NEURL1B: variants seen among roughly 807,000 people sequenced by gnomAD.
NEURL1B encodes the protein neuralized E3 ubiquitin protein ligase 1B, also known as E3 ubiquitin-protein ligase NEURL1B.
NEURL1B carries 13 observed loss-of-function variants against 37.4 expected under a neutral mutation model. The observed-to-expected ratio is 0.35, with a 90% CI of 0.23 to 0.55. The LOEUF is 0.55. Ranked by LOEUF, NEURL1B falls within the 20% of genes least tolerant of loss-of-function variation. The pLI, the probability that NEURL1B is intolerant of heterozygous loss-of-function variation, is 0.89. For missense variants in NEURL1B, 790 were observed against 879.2 expected (o/e 0.90, Z 1.28); for synonymous variants, 432 against 426.6 (o/e 1.01, Z -0.16).
Position 172,683,884 on chromosome 5 carries a change from G to A in NEURL1B, c.1043G>A (p.Gly348Asp). ...LAFGITSCDP[G>D]VLRPNELPAD... ...TTCGGCATCACGTCGTGCGACCCGGGCGTGCTACGGCCCAACGAGCTGCCC... is the reference window on the plus strand; with the variant it reads ...TTCGGCATCACGTCGTGCGACCCGGACGTGCTACGGCCCAACGAGCTGCCC... The change falls in exon 3 of 5, where the codon GGC (glycine) becomes GAC (aspartate). Residue 348 changes from glycine (G) to aspartate (D), a missense_variant. Physicochemically the swap from Gly to Asp is moderately conservative, Grantham distance 94 (BLOSUM62 -1). Coordinates refer to ENST00000369800, the MANE Select transcript of NEURL1B (RefSeq NM_001142651.3). The surrounding 1 kb of genome is among the most constrained non-coding windows in gnomAD (Gnocchi z 5.6). 7.1e-7 allele frequency: 1 copy of A among 1,410,030 alleles called. No homozygotes were observed. The highest frequency in any genetic ancestry group is 1.4e-5 in the South Asian group (1 of 73,124). The allele number at this position is 1,410,030 out of a possible 1,614,324, so 87.3% of individuals were successfully genotyped here.
Position 172,690,603 on chromosome 5 carries a change from G to C in NEURL1B, c.*3678G>C, listed in dbSNP as rs1758629158. 1 of 152,320 alleles carries C rather than the reference G, an allele frequency of 6.6e-6. No homozygotes were observed. The highest frequency in any genetic ancestry group is 1.5e-5 in the Non-Finnish European group (1 of 68,110). The allele number at this position is 152,320 out of a possible 1,614,324, so 9.4% of individuals were successfully genotyped here. A position where few individuals can be genotyped will look rare whatever the true frequency, so the allele number is the denominator to read the frequency against. On this transcript the variant is annotated 3_prime_UTR_variant, in exon 5 of 5. Transcript: ENST00000369800. The stretch of plus-strand genomic sequence containing the variant: ...GTGATGCTGGCAGAGGTGACACTAA[G>C]AGGGAAATGAGATATTTGGGGCAGA...
chr5:172,686,089 G>A lies in NEURL1B; in HGVS notation c.1298-82G>A, dbSNP rs1758489184. 3 of 1,496,412 alleles carry A rather than the reference G, an allele frequency of 2.0e-6. No individual in the cohort carries two copies. The highest frequency in any genetic ancestry group is 2.6e-5 in the South Asian group (2 of 77,464). 92.7% of individuals were successfully genotyped at this position (1,496,412 alleles called of 1,614,324 possible). On this transcript the variant is annotated intron_variant, in intron 3 of 4. Transcript: ENST00000369800. The surrounding 1 kb of genome is among the most constrained non-coding windows in gnomAD (Gnocchi z 7.9). ...TCCTCTCGTTAGACGGGAAAGCTAA[G>A]GTGCAAAGCAGTGAAGAACCATGGA...
At chr5:172,677,668 C>T (rs1247719627) in intron 2 of NEURL1B, among the ~76,000 whole-genome samples, 3 of 152,192 alleles carry the variant, frequency 2.0e-5, no homozygotes, top group African/African-American at 7.2e-5. Context: ...CCCACCCCCT[C>T]GGCCTTCCCC....
chr5:172,679,637 G>A (rs982482684), intron 2 of NEURL1B, among the ~76,000 whole-genome samples: 1 of 152,220 alleles, frequency 6.6e-6, no homozygotes, highest in South Asian at 2.1e-4. Flanking sequence ...GAATAAGTGA[G>A]GCCATGCAAC....
intron 1 of NEURL1B, chr5:172,656,754 A>G: frequency 1.2e-6 from 1 of 803,390 alleles, no homozygotes; most frequent in East Asian, 2.6e-5. Flanking sequence ...GTTTAAAAGT[A>G]GAAGGCAAAG....
chr5:172,676,721 C>G lies in NEURL1B; in HGVS notation c.577+6391C>G, dbSNP rs78636903. 7.2e-3 allele frequency among the ~76,000 whole-genome samples: 1,095 copies of G among 152,338 alleles called. 1 individual carries two copies. The highest frequency in any genetic ancestry group is 0.012 in the Non-Finnish European group (847 of 68,028). Reference sequence around the variant, plus strand: ...TGAGATCCCTTGTTAAAGATAGTTACTAGGCACTTACTCTGTGCCAGGCAC... The same window carrying G: ...TGAGATCCCTTGTTAAAGATAGTTAGTAGGCACTTACTCTGTGCCAGGCAC... On this transcript the variant is annotated intron_variant, in intron 2 of 4. Transcript: ENST00000369800. This position sits in a 1 kb window ranked among gnomAD's most constrained non-coding sequence, Gnocchi z 4.5.
intron 2 of NEURL1B, among the ~76,000 whole-genome samples, chr5:172,674,805 G>A (rs962783948): frequency 2.0e-5 from 3 of 151,978 alleles, no homozygotes; most frequent in African/African-American, 7.3e-5. Context: ...TGACTTTTTC[G>A]CTTCATCCCC....
chr5:172,669,705 A>G, intron 1 of NEURL1B, 80 bp from the exon 2 acceptor site: 2 of 1,024,956 alleles, frequency 2.0e-6, no homozygotes, highest in Non-Finnish European at 2.5e-6. Flanking sequence ...TTCAAATGAA[A>G]ATGATTGTTA....
At position 172,683,905 on chromosome 5, in the gene NEURL1B, T is replaced by C; in HGVS notation, c.1064T>C (p.Leu355Pro). The C allele has an allele frequency of 7.1e-7, 1 of 1,414,906 alleles. No individual in the cohort carries two copies. The highest frequency in any genetic ancestry group is 9.3e-7 in the Non-Finnish European group (1 of 1,079,564). The allele number at this position is 1,414,906 out of a possible 1,614,324, so 87.6% of individuals were successfully genotyped here. A position where few individuals can be genotyped will look rare whatever the true frequency, so the allele number is the denominator to read the frequency against. Reference protein sequence around the residue: ...CDPGVLRPNELPADPDALLDR... With the variant: ...CDPGVLRPNEPPADPDALLDR... ...CCGGGCGTGCTACGGCCCAACGAGC[T>C]GCCCGCCGACCCAGACGCGCTGCTC... Residue 355 changes from leucine to proline, a missense_variant, in exon 3 of 5, where the codon CTG (leucine) becomes CCG (proline). Leu to Pro is a moderately conservative substitution (Grantham distance 98). Around this residue, in one of 3 missense-constraint regions of NEURL1B, gnomAD observed 460 missense variants for 407.4 expected, o/e 1.13. Coordinates refer to ENST00000369800, the MANE Select transcript of NEURL1B (RefSeq NM_001142651.3). This position sits in a 1 kb window ranked among gnomAD's most constrained non-coding sequence, Gnocchi z 5.6.
Position 172,657,847 on chromosome 5 carries a change from C to T in NEURL1B, c.32-11938C>T, listed in dbSNP as rs1313611660. ...TGCTTCAATGGGCACACTCCTCGTC[C>T]ACTTTCATGTTCCTCCCATACTCCT... On this transcript the variant is annotated intron_variant, in intron 1 of 4. Transcript: ENST00000369800. The surrounding 1 kb of genome is among the most constrained non-coding windows in gnomAD (Gnocchi z 4.0). 6.6e-6 allele frequency among the ~76,000 whole-genome samples: 1 copy of T among 152,226 alleles called. No individual in the cohort carries two copies. The highest frequency in any genetic ancestry group is 1.9e-4 in the East Asian group (1 of 5,200).
rs952579948 is a variant in NEURL1B, at chr5:172,684,281, GC to G, written c.1297+146del. ...CAGCCCGCGGTTCCCAACTTTAAGC[GC>G]CCGGGCACGATCCACCCCGTCCAAA... On this transcript the variant is annotated intron_variant, in intron 3 of 4. Transcript: ENST00000369800. The G allele has an allele frequency of 2.9e-4, 205 of 699,972 alleles. No homozygotes were observed. In the African/African-American group the frequency reaches 3.6e-3, roughly 12 times the overall value. The allele number at this position is 699,972 out of a possible 1,614,324, so 43.4% of individuals were successfully genotyped here. A position where few individuals can be genotyped will look rare whatever the true frequency, so the allele number is the denominator to read the frequency against.
At chr5:172,659,543 C>T (rs1037751052) in intron 1 of NEURL1B, among the ~76,000 whole-genome samples, 1 of 152,180 alleles carries the variant, frequency 6.6e-6, no homozygotes, top group African/African-American at 2.4e-5. Context: ...ACTCCTGCCA[C>T]GCTGGGTCAC....
Position 172,669,773 on chromosome 5 carries a change from G to A in NEURL1B, c.32-12G>A, listed in dbSNP as rs1385860405. On this transcript the variant is annotated splice_polypyrimidine_tract_variant and intron_variant, in intron 1 of 4. Coordinates refer to ENST00000369800, the MANE Select transcript of NEURL1B (RefSeq NM_001142651.3). Reference sequence around the variant, plus strand: ...GAGGAGGCCTAACCGTGCTGCCTGTGTCTTTCCGCAGACCCGAGCCCACCG... The same window carrying A: ...GAGGAGGCCTAACCGTGCTGCCTGTATCTTTCCGCAGACCCGAGCCCACCG... The A allele has an allele frequency of 2.4e-6, 3 of 1,254,180 alleles. No homozygotes were observed. The highest frequency in any genetic ancestry group is 3.0e-6 in the Non-Finnish European group (3 of 990,548). The allele number at this position is 1,254,180 out of a possible 1,614,324, so 77.7% of individuals were successfully genotyped here.
chr5:172,655,376 A>ACACTTCC (rs2113274005), intron 1 of NEURL1B, among the ~76,000 whole-genome samples: 1 of 152,012 alleles, frequency 6.6e-6, no homozygotes, highest in East Asian at 1.9e-4. Context: ...GGTCCTTTGC[A>ACACTTCC]CACTTCCCAC....
Position 172,690,033 on chromosome 5 carries a change from C to G in NEURL1B, c.*3108C>G, listed in dbSNP as rs1002377525. 2.6e-5 allele frequency: 4 copies of G among 152,532 alleles called. No homozygotes were observed. The highest frequency in any genetic ancestry group is 2.6e-4 in the Admixed American group (4 of 15,306). The allele number at this position is 152,532 out of a possible 1,614,324, so 9.4% of individuals were successfully genotyped here. On this transcript the variant is annotated 3_prime_UTR_variant, in exon 5 of 5. Coordinates refer to ENST00000369800, the MANE Select transcript of NEURL1B (RefSeq NM_001142651.3). ...GATCACCACCCCCTCAAGCGGGGCC[C>G]CAGCCCCCTGAGCACCCCCTCACGT...
Position 172,641,946 on chromosome 5 carries a change from C to A in NEURL1B, c.31+509C>A, listed in dbSNP as rs766399067. Reference sequence around the variant, plus strand: ...GCCGTGCTTTGGCCACGTTCCCACGCGCACCCCGGTTGCGCCCCCCTCTGG... The same window carrying A: ...GCCGTGCTTTGGCCACGTTCCCACGAGCACCCCGGTTGCGCCCCCCTCTGG... On this transcript the variant is annotated intron_variant, in intron 1 of 4. Coordinates refer to ENST00000369800, the MANE Select transcript of NEURL1B (RefSeq NM_001142651.3). The surrounding 1 kb of genome is among the most constrained non-coding windows in gnomAD (Gnocchi z 6.4). Among the ~76,000 whole-genome samples, 5 of 152,240 alleles carry A rather than the reference C, an allele frequency of 3.3e-5. No individual in the cohort carries two copies. The highest frequency in any genetic ancestry group is 7.2e-5 in the African/African-American group (3 of 41,476).
chr5:172,653,635 G>T (rs561707253), intron 1 of NEURL1B, among the ~76,000 whole-genome samples: 1 of 152,106 alleles, frequency 6.6e-6, no homozygotes, highest in African/African-American at 2.4e-5. Context: ...TTTAAAACTT[G>T]CTTAAACCTT....
At position 172,686,709 on chromosome 5, in the gene NEURL1B, C is replaced by G. The variant is rs561348830; in HGVS notation, c.1452C>G (p.Pro484=). Residue 484 remains proline, a synonymous_variant, in exon 5 of 5, where the codon CCC becomes CCG. Transcript: ENST00000369800. This position sits in a 1 kb window ranked among gnomAD's most constrained non-coding sequence, Gnocchi z 7.9. The part of the protein sequence containing the change: ...LVTAPSSPLS[P]PVSPVFSPPE... Reference sequence around the variant, plus strand: ...CGGCCCCCAGCTCCCCGCTGAGCCCCCCGGTGTCCCCCGTGTTCTCCCCAC... The same window carrying G: ...CGGCCCCCAGCTCCCCGCTGAGCCCGCCGGTGTCCCCCGTGTTCTCCCCAC... 1,212 of 1,551,018 alleles carry G rather than the reference C, an allele frequency of 7.8e-4. 6 individuals carry two copies. The African/African-American group carries it at 0.014, about 18-fold the overall frequency.
chr5:172,671,122 C>G (rs1758123335), intron 2 of NEURL1B, among the ~76,000 whole-genome samples: 1 of 152,152 alleles, frequency 6.6e-6, no homozygotes, highest in Non-Finnish European at 1.5e-5. Context: ...TGTCAGCCAT[C>G]ACCTCTATCC....
Sources: gnomAD v4.1 joint callset for allele counts (sites outside exome capture counted in the v4.1 genomes callset) on GRCh38, gnomAD v4.1.1 for gene constraint, gnomAD v4.1.1 regional missense constraint, Gnocchi (gnomAD v3.1) non-coding constraint, MANE v1.5 for transcripts, NCBI Gene and HGNC (gene_info 2026-07-23, HGNC 2026-07-21) for gene names.